Variants in ZNF730 observed in about 807,000 individuals in gnomAD.
ZNF730 encodes zinc finger protein 730.
In ZNF730, 12 loss-of-function variants were observed where a neutral mutation model predicts 12.6. The observed-to-expected ratio is 0.95, with a 90% confidence interval of 0.61 to 1.54. The LOEUF (loss-of-function observed/expected upper bound fraction) is 1.54. ZNF730 is among the 40% of genes most tolerant of loss of function. The probability of loss-of-function intolerance (pLI) is 0.00; values close to 1 mark genes in which losing one functional copy is unlikely to be tolerated. For missense variants in ZNF730, 643 were observed against 583.5 expected, an observed-to-expected ratio of 1.10 and a Z score of -1.05; for synonymous variants, 194 against 195.8, an observed-to-expected ratio of 0.99 and a Z score of 0.08.
chr19:23,115,400 C>A (rs1970506665), upstream of ZNF730, among the ~76,000 whole-genome samples: 1 of 152,154 alleles, frequency 6.6e-6, no homozygotes, highest in Non-Finnish European at 1.5e-5. Flanking sequence ...TTCATCCCTC[C>A]TATATCCTTT....
chr19:23,121,523 G>A (rs879603304), intron 1 of ZNF730, among the ~76,000 whole-genome samples: 19 of 152,092 alleles, frequency 1.2e-4, no homozygotes, highest in African/African-American at 2.7e-4. Flanking sequence ...TGTATTTTCA[G>A]TAGAGACCAG....
At chr19:23,083,222 G>A (rs1278975813) in intron 1 of ZNF730, among the ~76,000 whole-genome samples, 1 of 151,548 alleles carries the variant, frequency 6.6e-6, no homozygotes, top group Non-Finnish European at 1.5e-5. Context: ...TCAGGAGTTC[G>A]AGACCAGCCC....
intron 1 of ZNF730, among the ~76,000 whole-genome samples, chr19:23,132,451 G>A (rs1031209731): frequency 4.0e-5 from 6 of 151,158 alleles, no homozygotes; most frequent in Non-Finnish European, 7.4e-5. Flanking sequence ...TTGTAACTAC[G>A]TTTTAAAATT....
chr19:23,086,281 C>A (rs982668398), intron 1 of ZNF730, among the ~76,000 whole-genome samples: 1 of 152,154 alleles, frequency 6.6e-6, no homozygotes, highest in Non-Finnish European at 1.5e-5. Flanking sequence ...TTCATAGTTT[C>A]TTTTGCTTTG....
At chr19:23,139,139 C>G (rs890465160) in intron 3 of ZNF730, among the ~76,000 whole-genome samples, 2 of 152,096 alleles carry the variant, frequency 1.3e-5, no homozygotes, top group African/African-American at 4.8e-5. Flanking sequence ...GATTTTCACC[C>G]ATGTTTGTCA....
upstream of ZNF730, among the ~76,000 whole-genome samples, chr19:23,116,548 A>G: frequency 7.0e-6 from 1 of 142,276 alleles, no homozygotes. Context: ...CTGGGATTAC[A>G]GGCGCGCGCC....
intron 1 of ZNF730, among the ~76,000 whole-genome samples, chr19:23,122,340 G>C (rs1286894082): frequency 2.0e-5 from 3 of 151,732 alleles, no homozygotes; most frequent in African/African-American, 7.3e-5. Flanking sequence ...ACTGAGTTTT[G>C]CCATACTGGC....
intron 2 of ZNF730, among the ~76,000 whole-genome samples, chr19:23,134,436 G>A (rs1970794410): frequency 6.8e-6 from 1 of 147,444 alleles, no homozygotes; most frequent in South Asian, 2.1e-4. Context: ...GAGGGAGGCG[G>A]AGGGGGGTCG....
chr19:23,138,711 T>A (rs1970869381), intron 3 of ZNF730, among the ~76,000 whole-genome samples: 1 of 152,236 alleles, frequency 6.6e-6, no homozygotes, highest in African/African-American at 2.4e-5. Context: ...CACAACTTCC[T>A]TCCTGAATCT....
At chr19:23,090,387 T>TGA (rs1970137133) in intron 1 of ZNF730, among the ~76,000 whole-genome samples, 1 of 152,090 alleles carries the variant, frequency 6.6e-6, no homozygotes, top group African/African-American at 2.4e-5. Flanking sequence ...ACTTTGAGCT[T>TGA]GAGAGAGATG....
intron 1 of ZNF730, chr19:23,127,079 A>G (rs1970680454): frequency 3.9e-6 from 2 of 518,314 alleles, no homozygotes; most frequent in African/African-American, 1.9e-5. Flanking sequence ...AATCTGCAGC[A>G]CTTTTGTGGG....
At chr19:23,135,307 T>C (rs1335322341) in intron 2 of ZNF730, among the ~76,000 whole-genome samples, 1 of 146,826 alleles carries the variant, frequency 6.8e-6, no homozygotes, top group African/African-American at 2.5e-5. Flanking sequence ...ATGTTTTATT[T>C]TGACCTGAAC....
rs1446163062 is a variant in ZNF730, at chr19:23,145,437, T to A, written c.393T>A (p.Asn131Lys). 6.3e-7 allele frequency: 1 copy of A among 1,579,644 alleles called. No individual in the cohort carries two copies. The change falls in exon 4 of 4, where the codon AAT (asparagine) becomes AAA (lysine). Residue 131 changes from asparagine (N) to lysine (K), a missense_variant. Physicochemically the swap from Asn to Lys is moderately conservative, Grantham distance 94 (BLOSUM62 0). Transcript: ENST00000597761. The stretch of plus-strand genomic sequence containing the variant: ...TTAAGATGCACAAAAAAGGTTATAA[T>A]AGACATAACCAGTGTTTGACAACTT... Reference protein sequence around the residue: ...DEFKMHKKGYNRHNQCLTTSH... With the variant: ...DEFKMHKKGYKRHNQCLTTSH...
intron 1 of ZNF730, among the ~76,000 whole-genome samples, chr19:23,092,360 C>T (rs570676762): frequency 2.0e-5 from 3 of 147,706 alleles, no homozygotes; most frequent in Admixed American, 1.4e-4. Context: ...TTTGGGAGGC[C>T]GAGGCAGGCG....
chr19:23,091,476 A>G (rs908025099), intron 1 of ZNF730, among the ~76,000 whole-genome samples: 1 of 152,118 alleles, frequency 6.6e-6, no homozygotes, highest in African/African-American at 2.4e-5. Flanking sequence ...CACCTGGAAA[A>G]GCTGCAGACA....
At position 23,117,072 on chromosome 19, in the gene ZNF730, T is replaced by G; in HGVS notation, c.-102T>G. ...GAAGCTCCAATTTTCGTCTGTCTGC[T>G]TTGTGTCCTCTGCACGTAGAAGCCC... On this transcript the variant is annotated 5_prime_UTR_variant, in exon 1 of 4. Transcript: ENST00000597761. 6.3e-7 allele frequency: 1 copy of G among 1,584,756 alleles called. No individual in the cohort carries two copies. Among genetic ancestry groups the G allele is most frequent in the Non-Finnish European group, 8.6e-7 (1 of 1,160,314 alleles).
chr19:23,118,960 A>C (rs899084063), intron 1 of ZNF730, among the ~76,000 whole-genome samples: 1 of 152,156 alleles, frequency 6.6e-6, no homozygotes, highest in African/African-American at 2.4e-5. Context: ...TTAATGCTAA[A>C]TTTTATAAAA....
intron 3 of ZNF730, among the ~76,000 whole-genome samples, chr19:23,138,415 G>C (rs1970864508): frequency 6.6e-6 from 1 of 152,176 alleles, no homozygotes; most frequent in East Asian, 1.9e-4. Flanking sequence ...ACTGAGTCAT[G>C]CAAGTGCTTC....
chr19:23,081,084 G>C, intron 1 of ZNF730, among the ~76,000 whole-genome samples: 1 of 151,658 alleles, frequency 6.6e-6, no homozygotes, highest in East Asian at 1.9e-4. Context: ...GACCTCAGGT[G>C]ATCCAGCCGC....
Sources: gnomAD v4.1 joint callset for allele counts (sites outside exome capture counted in the v4.1 genomes callset) on GRCh38, gnomAD v4.1.1 for gene constraint, MANE v1.5 for transcripts, NCBI Gene and HGNC (gene_info 2026-07-23, HGNC 2026-07-21) for gene names.